Variants in CELF5 observed in about 807,000 individuals in gnomAD.
CELF5 encodes CUGBP Elav-like family member 5.
In CELF5, 6 loss-of-function variants were observed where a neutral mutation model predicts 54.9. That is an observed-to-expected ratio of 0.11 (90% CI 0.06 to 0.22). CELF5 has a LOEUF of 0.22. Ranked by LOEUF, CELF5 falls within the 10% of genes least tolerant of loss-of-function variation. CELF5 has a pLI of 1.00. For missense variants in CELF5, 401 were observed against 678.6 expected (o/e 0.59, Z 4.54); for synonymous variants, 271 against 290.9 (o/e 0.93, Z 0.70).
In CELF5 at chr19:3,257,486, T is replaced by TA. The variant is rs554951730; in HGVS notation, c.342+6419_342+6420insA. On this transcript the variant is annotated intron_variant, in intron 2 of 12. Coordinates refer to ENST00000292672, the MANE Select transcript of CELF5 (RefSeq NM_021938.4). ...TATTATTATTATTTATTATTATTAT[T>TA]TTTTTTGAGACCGAGTTTCACTCTT... 2.8e-4 allele frequency among the ~76,000 whole-genome samples: 42 copies of TA among 151,958 alleles called. No homozygotes were observed. In the East Asian group the frequency reaches 7.1e-3, roughly 26 times the overall value.
At chr19:3,256,411 G>A (rs1218479371) in intron 2 of CELF5, among the ~76,000 whole-genome samples, 4 of 152,074 alleles carry the variant, frequency 2.6e-5, no homozygotes, top group Non-Finnish European at 5.9e-5. Flanking sequence ...AGCATTTACT[G>A]AGCATCTGAC....
intron 10 of CELF5, among the ~76,000 whole-genome samples, chr19:3,288,634 G>A (rs1404361356): frequency 6.6e-6 from 1 of 152,094 alleles, no homozygotes; most frequent in Non-Finnish European, 1.5e-5. Flanking sequence ...GATCGCTTGA[G>A]GCCAGGAGTT....
In CELF5 at chr19:3,278,233, G is replaced by A; in HGVS notation, c.603+123G>A. 2.8e-6 allele frequency: 2 copies of A among 719,752 alleles called. No homozygotes were observed. The allele number at this position is 719,752 out of a possible 1,614,324, so 44.6% of individuals were successfully genotyped here. A position where few individuals can be genotyped will look rare whatever the true frequency, so the allele number is the denominator to read the frequency against. On this transcript the variant is annotated intron_variant, in intron 5 of 12. Coordinates refer to ENST00000292672, the MANE Select transcript of CELF5 (RefSeq NM_021938.4). This position sits in a 1 kb window ranked among gnomAD's most constrained non-coding sequence, Gnocchi z 4.5. ...GGTAGCCCCTGGCTGTCCTTCAGAG[G>A]GGGCACAGGTGGAGAAAGAGGCGCA...
At chr19:3,244,360 G>C (rs988123400) in intron 1 of CELF5, among the ~76,000 whole-genome samples, 3 of 151,930 alleles carry the variant, frequency 2.0e-5, no homozygotes, top group East Asian at 3.9e-4. Context: ...TGTGTAGTGT[G>C]TGGTGTGTGC....
chr19:3,278,223 T>TC lies in CELF5; in HGVS notation c.603+115dup. The TC allele has an allele frequency of 1.3e-6, 1 of 773,382 alleles. No individual in the cohort carries two copies. The highest frequency in any genetic ancestry group is 2.1e-6 in the Non-Finnish European group (1 of 472,098). 47.9% of individuals were successfully genotyped at this position (773,382 alleles called of 1,614,324 possible). On this transcript the variant is annotated intron_variant, in intron 5 of 12. Transcript: ENST00000292672. This position sits in a 1 kb window ranked among gnomAD's most constrained non-coding sequence, Gnocchi z 4.5. The stretch of plus-strand genomic sequence containing the variant: ...GCTGTCATCCGGTAGCCCCTGGCTG[T>TC]CCTTCAGAGGGGGCACAGGTGGAGA...
chr19:3,228,287 G>A lies in CELF5; in HGVS notation c.259+3289G>A, dbSNP rs1362423230. On this transcript the variant is annotated intron_variant, in intron 1 of 12. Transcript: ENST00000292672. The surrounding 1 kb of genome is among the most constrained non-coding windows in gnomAD (Gnocchi z 6.0). ...TGCTCCTGCCAGAACTCCGCATCCA[G>A]AGAGCGGGGACCTCCCCCAGGAAGG... Among the ~76,000 whole-genome samples, 4 of 152,118 alleles carry A rather than the reference G, an allele frequency of 2.6e-5. No homozygotes were observed. Among genetic ancestry groups the A allele is most frequent in the Non-Finnish European group, 5.9e-5 (4 of 68,020 alleles).
At chr19:3,271,723 A>G (rs2079968319) in intron 2 of CELF5, among the ~76,000 whole-genome samples, 1 of 151,900 alleles carries the variant, frequency 6.6e-6, no homozygotes, top group Non-Finnish European at 1.5e-5. Flanking sequence ...AGGGGGTGGG[A>G]GGTGGAAATC....
chr19:3,237,040 T>C (rs1243386814), intron 1 of CELF5, among the ~76,000 whole-genome samples: 1 of 136,850 alleles, frequency 7.3e-6, no homozygotes, highest in Admixed American at 7.5e-5. Context: ...CGGCCAGGCG[T>C]GGTGGCTCAC....
intron 1 of CELF5, among the ~76,000 whole-genome samples, chr19:3,246,132 G>C (rs1020716181): frequency 1.3e-5 from 2 of 152,230 alleles, no homozygotes; most frequent in African/African-American, 2.4e-5. Context: ...GGGAGGCCAC[G>C]GCGGGTGGAT....
intron 1 of CELF5, among the ~76,000 whole-genome samples, chr19:3,245,620 C>A (rs2079556511): frequency 6.6e-6 from 1 of 150,750 alleles, no homozygotes; most frequent in Non-Finnish European, 1.5e-5. Flanking sequence ...CCTTATTTTA[C>A]ATCTGCCTGC....
At chr19:3,242,171 T>C (rs182777250) in intron 1 of CELF5, among the ~76,000 whole-genome samples, 43 of 152,256 alleles carry the variant, frequency 2.8e-4, no homozygotes, top group African/African-American at 9.1e-4. Flanking sequence ...TTGGAAAAGA[T>C]GCGAAAGCCA....
At chr19:3,295,849 G>C (rs1256439529) in intron 12 of CELF5, 1 of 152,684 alleles carries the variant, frequency 6.5e-6, no homozygotes, top group East Asian at 1.9e-4. Flanking sequence ...TCGGAGGGGG[G>C]GGGCGGACAG....
rs567701535 is a variant in CELF5 at position 3,243,231 on chromosome 19, A to AT, written c.260-7747dup. 2.2e-3 allele frequency among the ~76,000 whole-genome samples: 336 copies of AT among 150,160 alleles called. 1 individual carries two copies. Among genetic ancestry groups the AT allele is most frequent in the Non-Finnish European group, 2.3e-3 (158 of 67,362 alleles). ...TATTTGTGTATGTGTGTGTTTTTTA[A>AT]TTTTTTTCTGAGTATAAGCTTATTA... On this transcript the variant is annotated intron_variant, in intron 1 of 12. Coordinates refer to ENST00000292672, the MANE Select transcript of CELF5 (RefSeq NM_021938.4).
At chr19:3,256,540 A>T (rs1453321884) in intron 2 of CELF5, among the ~76,000 whole-genome samples, 1 of 84,130 alleles carries the variant, frequency 1.2e-5, no homozygotes, top group African/African-American at 5.1e-5. Context: ...TTCATTTATT[A>T]TTATTATTAT....
chr19:3,231,096 G>A (rs1917231143), intron 1 of CELF5, among the ~76,000 whole-genome samples: 1 of 152,244 alleles, frequency 6.6e-6, no homozygotes, highest in African/African-American at 2.4e-5. Context: ...CAGGGCCAAA[G>A]GGAAGGGCTG....
chr19:3,267,623 C>G (rs1162992468), intron 2 of CELF5, among the ~76,000 whole-genome samples: 1 of 152,210 alleles, frequency 6.6e-6, no homozygotes, highest in Non-Finnish European at 1.5e-5. Context: ...ACCTTTGGGA[C>G]TTTGCTGTCT....
At chr19:3,285,753 G>A (rs1406798841) in intron 9 of CELF5, among the ~76,000 whole-genome samples, 189 bp from the exon 10 acceptor site, 4 of 111,776 alleles carry the variant, frequency 3.6e-5, no homozygotes, top group Non-Finnish European at 5.6e-5. Flanking sequence ...TCCCCGTTTC[G>A]TCTGTGATCT....
At chr19:3,251,144 T>G in intron 2 of CELF5, 77 bp downstream of exon 2, 1 of 1,052,566 alleles carries the variant, frequency 9.5e-7, no homozygotes, top group East Asian at 2.4e-5. Context: ...AGGCTCTTCC[T>G]GAGATTGGCT....
intron 2 of CELF5, among the ~76,000 whole-genome samples, chr19:3,264,410 C>CT (rs1364348297): frequency 2.1e-4 from 28 of 134,680 alleles, no homozygotes; most frequent in African/African-American, 7.2e-4. Flanking sequence ...TTTTCTTTTT[C>CT]TTTTCTTTCT....
Sources: allele counts gnomAD v4.1 joint callset (sites outside exome capture counted in the v4.1 genomes callset), GRCh38; gene constraint gnomAD v4.1.1; non-coding constraint Gnocchi (gnomAD v3.1); transcripts MANE v1.5; gene names NCBI Gene and HGNC (gene_info 2026-07-23, HGNC 2026-07-21).